The following EFCAB6 variants were observed in gnomAD, a reference collection of about 807,000 sequenced individuals.
EFCAB6 encodes the protein EF-hand calcium-binding domain-containing protein 6.
EFCAB6 carries 156 observed loss-of-function variants against 169.8 expected under a neutral mutation model. The ratio of observed to expected loss-of-function variants is 0.92; its 90% CI spans 0.81 to 1.05. The LOEUF (loss-of-function observed/expected upper bound fraction) is 1.05. EFCAB6 is among the 50% of genes least tolerant of loss of function. The pLI, the probability that EFCAB6 is intolerant of heterozygous loss-of-function variation, is 0.00. For missense variants in EFCAB6, 1,800 were observed against 1,829.1 expected, an observed-to-expected ratio of 0.98 and a Z score of 0.29; for synonymous variants, 698 against 676.4, an observed-to-expected ratio of 1.03 and a Z score of -0.50.
intron 10 of EFCAB6, among the ~76,000 whole-genome samples, chr22:43,699,385 G>A (rs1336768473): frequency 6.6e-6 from 1 of 152,098 alleles, no homozygotes. Flanking sequence ...TTCAGTAACT[G>A]CTCCCTTTCT....
chr22:43,654,574 A>G (rs2056642236), intron 17 of EFCAB6, among the ~76,000 whole-genome samples: 1 of 152,222 alleles, frequency 6.6e-6, no homozygotes, highest in South Asian at 2.1e-4. Flanking sequence ...ACAAATCCCA[A>G]TTGAGGGATG....
At chr22:43,746,091 C>T (rs1033043633) in intron 6 of EFCAB6, among the ~76,000 whole-genome samples, 1 of 152,122 alleles carries the variant, frequency 6.6e-6, no homozygotes, top group Admixed American at 6.5e-5. Context: ...ACATTCAGAA[C>T]CTCATAAACA....
intron 27 of EFCAB6, among the ~76,000 whole-genome samples, chr22:43,550,807 T>C (rs1034928084): frequency 1.2e-4 from 18 of 152,170 alleles, no homozygotes; most frequent in African/African-American, 4.3e-4. Flanking sequence ...GTGGGTCTAT[T>C]GTCTTAAGCA....
intron 25 of EFCAB6, among the ~76,000 whole-genome samples, chr22:43,578,630 G>C (rs2050417407): frequency 6.6e-6 from 1 of 152,012 alleles, no homozygotes; most frequent in Non-Finnish European, 1.5e-5. Flanking sequence ...ACACACACAA[G>C]CATCATTCCA....
In EFCAB6 at chr22:43,727,674, T is replaced by G. The variant is rs183301904; in HGVS notation, c.757+4025A>C. ...TGTAGTAAGGTCCATACACTGCACATGAATTACTATAATATTACTTAGAGG... is the reference window on the plus strand; with the variant it reads ...TGTAGTAAGGTCCATACACTGCACAGGAATTACTATAATATTACTTAGAGG... On this transcript the variant is annotated intron_variant, in intron 8 of 31. Coordinates refer to ENST00000262726, the MANE Select transcript of EFCAB6 (RefSeq NM_022785.4). 2.6e-5 allele frequency among the ~76,000 whole-genome samples: 4 copies of G among 152,280 alleles called. No homozygotes were observed. The East Asian group carries it at 7.7e-4, about 29-fold the overall frequency.
intron 2 of EFCAB6, among the ~76,000 whole-genome samples, chr22:43,805,631 TAGAC>T (rs763071067): frequency 6.6e-6 from 1 of 152,174 alleles, no homozygotes; most frequent in Non-Finnish European, 1.5e-5. Flanking sequence ...CACCTAGTGT[TAGAC>T]AGATCAGTAA....
intron 20 of EFCAB6, among the ~76,000 whole-genome samples, chr22:43,617,727 C>G (rs376396057): frequency 2.0e-5 from 3 of 152,152 alleles, no homozygotes; most frequent in African/African-American, 7.2e-5. Flanking sequence ...CCTGCAGACA[C>G]AATGACTAGC....
At chr22:43,666,017 A>G (rs1471854829) in intron 17 of EFCAB6, among the ~76,000 whole-genome samples, 5 of 152,070 alleles carry the variant, frequency 3.3e-5, no homozygotes, top group African/African-American at 1.2e-4. Flanking sequence ...TGAACTCCTG[A>G]CCTCACGTGA....
At chr22:43,648,263 A>G (rs1362555277) in intron 17 of EFCAB6, among the ~76,000 whole-genome samples, 1 of 152,202 alleles carries the variant, frequency 6.6e-6, no homozygotes, top group African/African-American at 2.4e-5. Context: ...GTTATTAAGA[A>G]GCAGAGCTGA....
chr22:43,783,709 C>T (rs1201241168), intron 2 of EFCAB6, among the ~76,000 whole-genome samples: 12 of 152,052 alleles, frequency 7.9e-5, no homozygotes, highest in Admixed American at 7.2e-4. Flanking sequence ...TTAACAACAA[C>T]AAAACATGGA....
intron 22 of EFCAB6, among the ~76,000 whole-genome samples, chr22:43,600,659 G>T (rs9614451): frequency 1.3e-3 from 194 of 149,204 alleles, no homozygotes; most frequent in African/African-American, 4.7e-3. Context: ...TTTTTTTTTT[G>T]TTTTTTGTTT....
chr22:43,672,393 C>T (rs1569356692), intron 13 of EFCAB6, 88 bp from the exon 14 acceptor site: 1 of 1,388,126 alleles, frequency 7.2e-7, no homozygotes, highest in East Asian at 2.4e-5. Flanking sequence ...GACTGGAATC[C>T]TAGCTCTGTC....
In EFCAB6 at chr22:43,784,672, T is replaced by TATATATGTGTGTATATATAC. The variant is rs1569488041; in HGVS notation, c.-7-2348_-7-2347insGTATATATACACACATATAT. Among the ~76,000 whole-genome samples the TATATATGTGTGTATATATAC allele has an allele frequency of 4.7e-4, 20 of 42,928 alleles. 1 individual carries two copies. The East Asian group carries it at 5.3e-3, about 11-fold the overall frequency. 28.2% of individuals were successfully genotyped at this position (42,928 alleles called of 152,430 possible). ...ATATATGTGTATATATACATATACATATATACACACACACACACACACACA... is the reference window on the plus strand; with the variant it reads ...ATATATGTGTATATATACATATACATATATATGTGTGTATATATACATATACACACACACACACACACACA... On this transcript the variant is annotated intron_variant, in intron 2 of 31. Coordinates refer to ENST00000262726, the MANE Select transcript of EFCAB6 (RefSeq NM_022785.4).
chr22:43,676,174 T>C lies in EFCAB6; in HGVS notation c.1419+1822A>G, dbSNP rs148075702. ...GGCTCAAGCCTGTAATCCCAGCACCTTGGGAGGCCGAGGTGGGCAGATCAC... is the reference window on the plus strand; with the variant it reads ...GGCTCAAGCCTGTAATCCCAGCACCCTGGGAGGCCGAGGTGGGCAGATCAC... On this transcript the variant is annotated intron_variant, in intron 13 of 31. Transcript: ENST00000262726. Among the ~76,000 whole-genome samples, 749 of 152,010 alleles carry C rather than the reference T, an allele frequency of 4.9e-3. 8 individuals carry two copies. The highest frequency in any genetic ancestry group is 0.017 in the African/African-American group (711 of 41,454).
chr22:43,745,456 C>T (rs1298904564), intron 6 of EFCAB6, among the ~76,000 whole-genome samples: 2 of 152,168 alleles, frequency 1.3e-5, no homozygotes, highest in Admixed American at 1.3e-4. Context: ...CTGTGCAGCT[C>T]CTCACCCGGA....
chr22:43,537,381 G>C lies in EFCAB6; in HGVS notation c.4044C>G (p.Phe1348Leu). ...ARQGDINASD[F>L]LALVEKFNLD... ...GCAGATAGAATCTGAACGAACCCAG[G>C]AAATCGGAGGCGTTGATGTCCCCCT... The change falls in exon 29 of 32, where the codon TTC becomes TTG. Residue 1348 changes from phenylalanine (F) to leucine (L), a missense_variant. Physicochemically the swap from Phe to Leu is conservative, Grantham distance 22 (BLOSUM62 0). Transcript: ENST00000262726. The surrounding 1 kb of genome is among the most constrained non-coding windows in gnomAD (Gnocchi z 4.3). 1 of 1,614,036 alleles carries C rather than the reference G, an allele frequency of 6.2e-7. No homozygotes were observed. Among genetic ancestry groups the C allele is most frequent in the Non-Finnish European group, 8.5e-7 (1 of 1,179,970 alleles).
intron 27 of EFCAB6, among the ~76,000 whole-genome samples, chr22:43,542,140 C>T (rs926753794): frequency 4.6e-5 from 7 of 152,220 alleles, no homozygotes; most frequent in African/African-American, 9.6e-5. Flanking sequence ...AAGATCATGC[C>T]GTGAAGGATA....
At chr22:43,664,685 C>T (rs897322054) in intron 17 of EFCAB6, among the ~76,000 whole-genome samples, 1 of 152,268 alleles carries the variant, frequency 6.6e-6, no homozygotes, top group South Asian at 2.1e-4. Context: ...CAAGGAAGAG[C>T]CAGCCTCTGT....
At chr22:43,563,476 G>A (rs1049174476) in intron 26 of EFCAB6, among the ~76,000 whole-genome samples, 1 of 152,146 alleles carries the variant, frequency 6.6e-6, no homozygotes, top group Non-Finnish European at 1.5e-5. Flanking sequence ...GAGGTGGGAG[G>A]ATCACTTGAG....
Sources: gnomAD v4.1 joint callset for allele counts (sites outside exome capture counted in the v4.1 genomes callset) on GRCh38, gnomAD v4.1.1 for gene constraint, Gnocchi (gnomAD v3.1) non-coding constraint, MANE v1.5 for transcripts, NCBI Gene and HGNC (gene_info 2026-07-23, HGNC 2026-07-21) for gene names.